The following ZRSR2 variants were observed in gnomAD, a reference collection of about 807,000 sequenced individuals.
ZRSR2 encodes the protein zinc finger CCCH-type, RNA binding motif and serine/arginine rich 2, also known as U2 small nuclear ribonucleoprotein auxiliary factor 35 kDa subunit-related protein 2.
In ZRSR2, 3 loss-of-function variants were observed where a neutral mutation model predicts 39.4. That is an observed-to-expected ratio of 0.08 (90% confidence interval 0.03 to 0.20). The LOEUF is 0.20. ZRSR2 is among the 10% of genes least tolerant of loss of function. The pLI is 1.00. For synonymous variants in ZRSR2, 137 were observed against 136.0 expected (o/e 1.01, Z -0.05); for missense variants, 256 against 391.5 (o/e 0.65, Z 2.92).
intron 10 of ZRSR2, among the ~76,000 whole-genome samples, 168 bp from the exon 11 acceptor site, chrX:15,822,563 G>A (rs12393363): frequency 0.33 from 37,234 of 111,549 alleles, 4,516 homozygotes; most frequent in Admixed American, 0.4. Flanking sequence ...GTTTGAAATC[G>A]TGGGAACCAA....
intron 6 of ZRSR2, among the ~76,000 whole-genome samples, chrX:15,808,624 CT>C (rs776535835): frequency 0.031 from 2,948 of 94,789 alleles, 120 homozygotes; most frequent in African/African-American, 0.1. Context: ...CTCTTTTTTT[CT>C]TTTTTTTTTT....
intron 2 of ZRSR2, among the ~76,000 whole-genome samples, chrX:15,793,465 C>A (rs1192322640): frequency 9.0e-6 from 1 of 111,727 alleles, no homozygotes; most frequent in Non-Finnish European, 1.9e-5. Context: ...TGCACTTCTG[C>A]TCCTACTTTT....
chrX:15,790,809 C>A, intron 1 of ZRSR2, 125 bp from the exon 2 acceptor site: 1 of 690,235 alleles, frequency 1.4e-6, no homozygotes. Flanking sequence ...AATTAAAATA[C>A]AGGAAGCAAG....
At chrX:15,822,657 C>T (rs1239922064) in intron 10 of ZRSR2, 74 bp from the exon 11 acceptor site, 6 of 1,198,178 alleles carry the variant, frequency 5.0e-6, no homozygotes, top group Non-Finnish European at 6.8e-6. Context: ...CAGAAATGTA[C>T]CTTCGGAAAA....
chrX:15,814,110 A>G (rs1210799096), intron 7 of ZRSR2, among the ~76,000 whole-genome samples: 1 of 109,288 alleles, frequency 9.2e-6, no homozygotes, highest in Non-Finnish European at 1.9e-5. Flanking sequence ...TGTCTTACCA[A>G]TTTTTAACTA....
chrX:15,790,662 T>A, intron 1 of ZRSR2, 126 bp downstream of exon 1: 13 of 963,522 alleles, frequency 1.3e-5, no homozygotes, highest in Non-Finnish European at 1.9e-5. Context: ...CATTCCTTCC[T>A]GGTGCGCGCT....
chrX:15,797,494 G>T (rs1240826413), intron 2 of ZRSR2, among the ~76,000 whole-genome samples: 1 of 112,240 alleles, frequency 8.9e-6, no homozygotes, highest in Non-Finnish European at 1.9e-5. Context: ...CCAGGCATGA[G>T]CCACCACGCC....
At chrX:15,811,463 T>A (rs1355200516) in intron 7 of ZRSR2, among the ~76,000 whole-genome samples, 1 of 106,435 alleles carries the variant, frequency 9.4e-6, no homozygotes, top group Non-Finnish European at 2.0e-5. Flanking sequence ...TCTCGCCCTG[T>A]CACCAGGCTG....
At chrX:15,804,393 A>G (rs1327130196) in intron 5 of ZRSR2, 196 bp downstream of exon 5, 1 of 311,529 alleles carries the variant, frequency 3.2e-6, no homozygotes, top group East Asian at 2.2e-4. Context: ...CAGATTCCTT[A>G]AAGTTTTCTT....
intron 7 of ZRSR2, among the ~76,000 whole-genome samples, chrX:15,812,424 T>G (rs1932901497): frequency 8.9e-6 from 1 of 112,058 alleles, no homozygotes; most frequent in African/African-American, 3.2e-5. Context: ...TGGAGAGCCT[T>G]GGTGACTTGC....
chrX:15,822,903 C>G lies in ZRSR2; in HGVS notation c.1110C>G (p.His370Gln), dbSNP rs61741675. Residue 370 changes from histidine (H) to glutamine (Q), a missense_variant, in exon 11 of 11, where the codon CAC becomes CAG. Around this residue, in one of 3 missense-constraint regions of ZRSR2, gnomAD observed 111 missense variants for 116.7 expected, o/e 0.95. Coordinates refer to ENST00000307771, the MANE Select transcript of ZRSR2 (RefSeq NM_005089.4). ...NSERRERMGHHDDYYSRLRGR... is the reference protein window; with the variant it reads ...NSERRERMGHQDDYYSRLRGR... ...AAAGGAGGGAGAGGATGGGCCACCA[C>G]GACGACTACTACAGCAGGCTGCGGG... The G allele has an allele frequency of 3.1e-5, 37 of 1,211,136 alleles. No homozygotes were observed. The highest frequency in any genetic ancestry group is 8.9e-6 in the Non-Finnish European group (8 of 895,480).
At chrX:15,806,996 G>GT (rs761055694) in intron 5 of ZRSR2, among the ~76,000 whole-genome samples, 1 of 111,907 alleles carries the variant, frequency 8.9e-6, no homozygotes, top group Non-Finnish European at 1.9e-5. Context: ...GGGCCAGGGA[G>GT]TGTAGAGGAC....
chrX:15,791,829 G>A (rs1932290996), intron 2 of ZRSR2, among the ~76,000 whole-genome samples: 1 of 109,838 alleles, frequency 9.1e-6, no homozygotes, highest in South Asian at 3.9e-4. Context: ...GCTAATTTTT[G>A]TATTTTTAGT....
At chrX:15,805,074 G>A (rs760425856) in intron 5 of ZRSR2, among the ~76,000 whole-genome samples, 13 of 111,821 alleles carry the variant, frequency 1.2e-4, no homozygotes, top group Non-Finnish European at 2.3e-4. Flanking sequence ...AATTTAAATA[G>A]CATAAAATTG....
At chrX:15,809,420 C>G in intron 7 of ZRSR2, 102 bp downstream of exon 7, 1 of 572,446 alleles carries the variant, frequency 1.7e-6, no homozygotes, top group Non-Finnish European at 2.9e-6. Flanking sequence ...TTCAAATGTC[C>G]GTCATCAGAC....
At chrX:15,800,835 T>C (rs1932649479) in intron 3 of ZRSR2, among the ~76,000 whole-genome samples, 1 of 112,853 alleles carries the variant, frequency 8.9e-6, no homozygotes, top group African/African-American at 3.2e-5. Flanking sequence ...TGATGGACTT[T>C]CAGGTTATAT....
rs1046475547 is a variant in ZRSR2, at chrX:15,818,731, A to G, written c.827+89A>G. 1.2e-5 allele frequency: 8 copies of G among 681,142 alleles called. No individual in the cohort carries two copies. The Admixed American group carries it at 2.4e-4, about 20-fold the overall frequency. 56.1% of individuals were successfully genotyped at this position (681,142 alleles called of 1,213,427 possible). On this transcript the variant is annotated intron_variant, in intron 9 of 10. Transcript: ENST00000307771. Reference sequence around the variant, plus strand: ...TGTCTGGGATTTTTCCACTGGATATATAACTTTCATGTATTTTATTTCTTA... The same window carrying G: ...TGTCTGGGATTTTTCCACTGGATATGTAACTTTCATGTATTTTATTTCTTA...
At chrX:15,820,370 G>A (rs1933077334) in intron 10 of ZRSR2, 54 bp downstream of exon 10, 1 of 1,084,230 alleles carries the variant, frequency 9.2e-7, no homozygotes, top group African/African-American at 1.8e-5. Flanking sequence ...CTATATAAAG[G>A]GATATTCTTT....
At chrX:15,793,433 T>G (rs778456013) in intron 2 of ZRSR2, among the ~76,000 whole-genome samples, 1 of 111,944 alleles carries the variant, frequency 8.9e-6, no homozygotes, top group Non-Finnish European at 1.9e-5. Context: ...TAATGGCATA[T>G]CCAAGACTAA....
Sources: allele counts gnomAD v4.1 joint callset (sites outside exome capture counted in the v4.1 genomes callset), GRCh38; gene constraint gnomAD v4.1.1; regional missense constraint gnomAD v4.1.1; transcripts MANE v1.5; gene names NCBI Gene and HGNC (gene_info 2026-07-23, HGNC 2026-07-21).